The following DDR2 variants were observed in gnomAD, a reference collection of about 807,000 sequenced individuals.
The protein encoded by DDR2 is discoidin domain receptor tyrosine kinase 2, also known as discoidin domain-containing receptor 2.
In DDR2, 27 loss-of-function variants were observed where a neutral mutation model predicts 94.9. The ratio of observed to expected loss-of-function variants is 0.28; its 90% CI spans 0.21 to 0.39. DDR2 has a LOEUF of 0.39. DDR2 is among the 10% of genes least tolerant of loss of function. The probability of loss-of-function intolerance (pLI) is 1.00; values close to 1 mark genes in which losing one functional copy is unlikely to be tolerated. For missense variants in DDR2, 783 were observed against 1,076.0 expected (o/e 0.73, Z 3.81); for synonymous variants, 382 against 377.2 (o/e 1.01, Z -0.15).
At chr1:162,659,365 A>G (rs1035414580) in intron 2 of DDR2, among the ~76,000 whole-genome samples, 6 of 152,320 alleles carry the variant, frequency 3.9e-5, no homozygotes, top group Non-Finnish European at 7.3e-5. Flanking sequence ...TTTGATATGC[A>G]GAAGGAAAGA....
chr1:162,709,564 G>T (rs925378774), intron 2 of DDR2, among the ~76,000 whole-genome samples: 18 of 152,260 alleles, frequency 1.2e-4, no homozygotes, highest in African/African-American at 4.3e-4. Context: ...TGATTTTGAG[G>T]GCTGGCATGT....
At chr1:162,777,823 G>T (rs956024507) in intron 16 of DDR2, 1 of 152,444 alleles carries the variant, frequency 6.6e-6, no homozygotes, top group East Asian at 1.9e-4. Context: ...TGACAATTGG[G>T]TGTCCTCACT....
At chr1:162,703,855 C>T (rs1017275277) in intron 2 of DDR2, among the ~76,000 whole-genome samples, 1 of 152,104 alleles carries the variant, frequency 6.6e-6, no homozygotes, top group African/African-American at 2.4e-5. Context: ...TCTGTCTTCC[C>T]AAAATGAGTT....
rs1190148915 is a variant in DDR2 at position 162,747,864 on chromosome 1, G to T, written c.83-5231G>T. Among the ~76,000 whole-genome samples the T allele has an allele frequency of 5.3e-5, 8 of 152,146 alleles. No homozygotes were observed. The South Asian group carries it at 1.5e-3, about 28-fold the overall frequency. ...CAATATTCAACGTTCTTAAAGAAAA[G>T]AATTTTTAACCCAGAATTTCATATC... On this transcript the variant is annotated intron_variant, in intron 3 of 17. Coordinates refer to ENST00000367921, the MANE Select transcript of DDR2 (RefSeq NM_006182.4).
At chr1:162,750,040 C>G (rs1663101919) in intron 3 of DDR2, among the ~76,000 whole-genome samples, 1 of 152,184 alleles carries the variant, frequency 6.6e-6, no homozygotes, top group Non-Finnish European at 1.5e-5. Flanking sequence ...CAATATCATA[C>G]TGAATGGGCA....
chr1:162,735,670 G>T (rs1662264011), intron 3 of DDR2, among the ~76,000 whole-genome samples: 1 of 152,162 alleles, frequency 6.6e-6, no homozygotes, highest in Non-Finnish European at 1.5e-5. Flanking sequence ...TATCCTATAT[G>T]GATCTACCTC....
intron 7 of DDR2, among the ~76,000 whole-genome samples, chr1:162,758,318 C>T (rs1309332900): frequency 2.0e-5 from 3 of 152,084 alleles, no homozygotes; most frequent in African/African-American, 7.2e-5. Context: ...GTCATATTAG[C>T]AAAAGTTACT....
intron 17 of DDR2, 116 bp from the exon 18 acceptor site, chr1:162,779,996 A>T (rs1647805841): frequency 6.7e-7 from 1 of 1,498,468 alleles, no homozygotes. Context: ...TATCAAGTTC[A>T]AGAAAGTGGG....
chr1:162,716,707 CTTT>C (rs200165734), intron 2 of DDR2, among the ~76,000 whole-genome samples: 2 of 141,506 alleles, frequency 1.4e-5, no homozygotes, highest in Non-Finnish European at 1.6e-5. Flanking sequence ...GACTACATTG[CTTT>C]TTTTTTTTTT....
chr1:162,724,465 G>A (rs1198205920), intron 3 of DDR2, among the ~76,000 whole-genome samples: 1 of 152,098 alleles, frequency 6.6e-6, no homozygotes, highest in Non-Finnish European at 1.5e-5. Flanking sequence ...AGCCCTGCGG[G>A]CCAACTTACC....
chr1:162,637,141 T>C (rs912787402), intron 1 of DDR2, among the ~76,000 whole-genome samples: 1 of 152,146 alleles, frequency 6.6e-6, no homozygotes, highest in Non-Finnish European at 1.5e-5. Flanking sequence ...TGTTCTATGT[T>C]TTATGATGAA....
intron 2 of DDR2, among the ~76,000 whole-genome samples, chr1:162,703,724 G>C (rs1350390669): frequency 6.6e-6 from 1 of 152,150 alleles, no homozygotes; most frequent in Non-Finnish European, 1.5e-5. Flanking sequence ...CTCACAAAAG[G>C]AGGTGCTGAA....
intron 2 of DDR2, among the ~76,000 whole-genome samples, chr1:162,690,646 A>G (rs1219208615): frequency 6.6e-6 from 1 of 152,240 alleles, no homozygotes; most frequent in Non-Finnish European, 1.5e-5. Context: ...AAACCCACAC[A>G]TCTTTTTATA....
intron 2 of DDR2, among the ~76,000 whole-genome samples, chr1:162,662,780 T>G (rs961424611): frequency 2.6e-5 from 4 of 152,190 alleles, no homozygotes; most frequent in Middle Eastern, 3.4e-3. Flanking sequence ...ATACTAATAG[T>G]TGTTCTAATA....
Position 162,754,934 on chromosome 1 carries a change from T to C in DDR2, c.417+79T>C, listed in dbSNP as rs962178593. On this transcript the variant is annotated intron_variant, in intron 5 of 17. Coordinates refer to ENST00000367921, the MANE Select transcript of DDR2 (RefSeq NM_006182.4). Reference sequence around the variant, plus strand: ...GGCTAGGAGAAGAAGGGTACAGGTTTTCTGTGTGGATATGTGTGTCCACAG... The same window carrying C: ...GGCTAGGAGAAGAAGGGTACAGGTTCTCTGTGTGGATATGTGTGTCCACAG... 21 of 1,557,452 alleles carry C rather than the reference T, an allele frequency of 1.3e-5. No homozygotes were observed. The East Asian group carries it at 2.5e-4, about 19-fold the overall frequency.
chr1:162,755,395 G>C, intron 6 of DDR2, 92 bp downstream of exon 6: 2 of 1,505,134 alleles, frequency 1.3e-6, no homozygotes, highest in Non-Finnish European at 1.8e-6. Context: ...GATGGGATCA[G>C]TTACTCCTGG....
intron 2 of DDR2, among the ~76,000 whole-genome samples, chr1:162,670,922 T>C (rs534412802): frequency 1.3e-5 from 2 of 152,314 alleles, no homozygotes; most frequent in Admixed American, 1.3e-4. Flanking sequence ...GGGATGCTGC[T>C]TTTTCCTTTG....
chr1:162,758,943 C>A (rs1558069382), intron 7 of DDR2, among the ~76,000 whole-genome samples: 1 of 152,086 alleles, frequency 6.6e-6, no homozygotes, highest in East Asian at 1.9e-4. Flanking sequence ...AAGGAAGGAG[C>A]CTCTTCGTGT....
intron 1 of DDR2, among the ~76,000 whole-genome samples, chr1:162,637,279 G>GT (rs1656873982): frequency 1.3e-5 from 2 of 152,180 alleles, no homozygotes; most frequent in African/African-American, 4.8e-5. Context: ...ATAAAATTTA[G>GT]TTTTTAAAGT....
Sources: gnomAD v4.1 joint callset for allele counts (sites outside exome capture counted in the v4.1 genomes callset) on GRCh38, gnomAD v4.1.1 for gene constraint, MANE v1.5 for transcripts, NCBI Gene and HGNC (gene_info 2026-07-23, HGNC 2026-07-21) for gene names.